CSMD1: variants seen among roughly 807,000 people sequenced by gnomAD.
CSMD1 encodes the protein CUB and sushi domain-containing protein 1.
In CSMD1, 213 loss-of-function variants were observed where a neutral mutation model predicts 417.5. The ratio of observed to expected loss-of-function variants is 0.51; its 90% CI spans 0.46 to 0.57. The LOEUF is 0.57. Ranked by LOEUF, CSMD1 falls within the 20% of genes least tolerant of loss-of-function variation. CSMD1 has a pLI of 0.00. For synonymous variants in CSMD1, 2,862 were observed against 1,736.8 expected (o/e 1.65, Z -16.11); for missense variants, 6,923 against 4,529.7 (o/e 1.53, Z -15.17).
intron 10 of CSMD1, among the ~76,000 whole-genome samples, chr8:3,507,358 T>C (rs1296630895): frequency 6.6e-6 from 1 of 152,242 alleles, no homozygotes; most frequent in Non-Finnish European, 1.5e-5. Context: ...GGCAGCACAG[T>C]ATTACATGAT....
intron 5 of CSMD1, among the ~76,000 whole-genome samples, chr8:3,948,822 G>C (rs1040163629): frequency 7.8e-6 from 1 of 128,618 alleles, no homozygotes; most frequent in Non-Finnish European, 1.7e-5. Context: ...ATTTTGAAGA[G>C]ACATTTTTAT....
intron 2 of CSMD1, among the ~76,000 whole-genome samples, chr8:4,628,139 A>T (rs1199945645): frequency 6.6e-6 from 1 of 151,322 alleles, no homozygotes; most frequent in Non-Finnish European, 1.5e-5. Flanking sequence ...ATATATATAT[A>T]TGTACACAGT....
At chr8:3,499,848 T>C (rs993210761) in intron 10 of CSMD1, among the ~76,000 whole-genome samples, 20 of 152,066 alleles carry the variant, frequency 1.3e-4, no homozygotes, top group Non-Finnish European at 2.6e-4. Context: ...TGTACTCTGA[T>C]AGTTCTTCTG....
chr8:4,224,478 C>A (rs138205802), intron 3 of CSMD1, among the ~76,000 whole-genome samples: 1,954 of 151,384 alleles, frequency 0.013, 20 homozygotes, highest in Non-Finnish European at 0.021. Context: ...TTGCTCTGAC[C>A]CATCTACACT....
intron 1 of CSMD1, among the ~76,000 whole-genome samples, chr8:4,896,475 T>C (rs144306985): frequency 4.3e-4 from 66 of 152,246 alleles, no homozygotes; most frequent in African/African-American, 1.5e-3. Flanking sequence ...ACTCTCAAAC[T>C]GAAACTCTGT....
intron 2 of CSMD1, among the ~76,000 whole-genome samples, chr8:4,534,292 C>A (rs1292154380): frequency 1.3e-5 from 2 of 152,172 alleles, no homozygotes; most frequent in Non-Finnish European, 2.9e-5. Flanking sequence ...GGAGGCCAGC[C>A]CGACTCATAT....
chr8:4,969,219 T>A (rs939245786), intron 1 of CSMD1, among the ~76,000 whole-genome samples: 3 of 152,156 alleles, frequency 2.0e-5, no homozygotes, highest in African/African-American at 7.2e-5. Flanking sequence ...GCTAGTGACT[T>A]GTACAACAAA....
chr8:4,218,402 C>G (rs186310536), intron 3 of CSMD1, among the ~76,000 whole-genome samples: 3 of 152,140 alleles, frequency 2.0e-5, no homozygotes, highest in Non-Finnish European at 1.5e-5. Context: ...TATCTCAACT[C>G]GAAAATGACC....
At chr8:4,453,746 C>G (rs149773520) in intron 2 of CSMD1, among the ~76,000 whole-genome samples, 1 of 150,786 alleles carries the variant, frequency 6.6e-6, no homozygotes, top group Non-Finnish European at 1.5e-5. Context: ...AACGTAATTC[C>G]GGGTCCCCAT....
At chr8:4,203,135 G>A (rs1799761417) in intron 3 of CSMD1, among the ~76,000 whole-genome samples, 1 of 152,186 alleles carries the variant, frequency 6.6e-6, no homozygotes, top group Non-Finnish European at 1.5e-5. Context: ...CTTAAAAGCT[G>A]AAAACCTTTT....
At chr8:3,961,995 A>G (rs1812361106) in intron 5 of CSMD1, among the ~76,000 whole-genome samples, 1 of 152,220 alleles carries the variant, frequency 6.6e-6, no homozygotes, top group Non-Finnish European at 1.5e-5. Context: ...ACAAAGTTGC[A>G]CAAAGACATG....
At chr8:3,239,818 A>C (rs1397061907) in intron 26 of CSMD1, among the ~76,000 whole-genome samples, 1 of 152,118 alleles carries the variant, frequency 6.6e-6, no homozygotes, top group Admixed American at 6.6e-5. Flanking sequence ...AAATGGGGTG[A>C]ATGTCAGATG....
chr8:3,696,078 G>C (rs1047750855), intron 7 of CSMD1, among the ~76,000 whole-genome samples: 1 of 152,154 alleles, frequency 6.6e-6, no homozygotes. Context: ...ATGGGGGACA[G>C]GGAATGAGAC....
chr8:4,360,377 G>T (rs1309980370), intron 3 of CSMD1, among the ~76,000 whole-genome samples: 3 of 152,090 alleles, frequency 2.0e-5, no homozygotes, highest in South Asian at 2.1e-4. Context: ...TACCCTAATT[G>T]TAAGTTACTG....
chr8:3,413,338 G>A (rs1243886099), intron 12 of CSMD1, among the ~76,000 whole-genome samples: 2 of 152,092 alleles, frequency 1.3e-5, no homozygotes, highest in South Asian at 2.1e-4. Flanking sequence ...TGAGGGTGAG[G>A]GTCTTTCTGC....
At chr8:4,304,070 G>A (rs1437155433) in intron 3 of CSMD1, among the ~76,000 whole-genome samples, 1 of 152,084 alleles carries the variant, frequency 6.6e-6, no homozygotes, top group Admixed American at 6.6e-5. Flanking sequence ...AAGCCTCGAT[G>A]AAACCCTTGA....
intron 5 of CSMD1, among the ~76,000 whole-genome samples, chr8:3,813,530 ATCTAC>A (rs1213228716): frequency 1.3e-5 from 2 of 152,222 alleles, no homozygotes; most frequent in Non-Finnish European, 2.9e-5. Context: ...AGACTGATCC[ATCTAC>A]TCTAATATAA....
At chr8:3,930,975 G>C (rs1345756600) in intron 5 of CSMD1, among the ~76,000 whole-genome samples, 2 of 150,512 alleles carry the variant, frequency 1.3e-5, no homozygotes, top group Non-Finnish European at 3.0e-5. Context: ...AAAACGCCCT[G>C]TGGAATATCA....
chr8:3,189,871 C>T lies in CSMD1; in HGVS notation c.5398+41G>A, dbSNP rs1444457510. On this transcript the variant is annotated intron_variant, in intron 34 of 69. Transcript: ENST00000635120. Reference sequence around the variant, plus strand: ...ATGAGAAGTAACTCTTTGGCACCACCACAGAGTTCTGGCGGGCAGCCGCTT... The same window carrying T: ...ATGAGAAGTAACTCTTTGGCACCACTACAGAGTTCTGGCGGGCAGCCGCTT... 4 of 1,517,410 alleles carry T rather than the reference C, an allele frequency of 2.6e-6. No individual in the cohort carries two copies. In the Admixed American group the frequency reaches 7.8e-5, roughly 30 times the overall value. 94.0% of individuals were successfully genotyped at this position (1,517,410 alleles called of 1,614,324 possible). A position where few individuals can be genotyped will look rare whatever the true frequency, so the allele number is the denominator to read the frequency against.
Sources: allele counts gnomAD v4.1 joint callset (sites outside exome capture counted in the v4.1 genomes callset), GRCh38; gene constraint gnomAD v4.1.1; transcripts MANE v1.5; gene names NCBI Gene and HGNC (gene_info 2026-07-23, HGNC 2026-07-21).